Variants in NOS1AP observed in about 807,000 individuals in gnomAD.
The protein encoded by NOS1AP is nitric oxide synthase 1 adaptor protein, also known as carboxyl-terminal PDZ ligand of neuronal nitric oxide synthase protein.
Under a neutral mutation model 56.2 loss-of-function variants are expected in NOS1AP, and 21 were observed. The observed-to-expected ratio is 0.37, with a 90% CI of 0.26 to 0.54. NOS1AP has a LOEUF of 0.54. NOS1AP is among the 20% of genes least tolerant of loss of function. The probability of loss-of-function intolerance (pLI) is 0.84; values close to 1 mark genes in which losing one functional copy is unlikely to be tolerated. For synonymous variants in NOS1AP, 270 were observed against 274.6 expected, an observed-to-expected ratio of 0.98 and a Z score of 0.17; for missense variants, 522 against 657.8, an observed-to-expected ratio of 0.79 and a Z score of 2.26.
rs1657525418 is a variant in NOS1AP, at chr1:162,352,166, TCTC to T, written c.596-3018_596-3016del. Among the ~76,000 whole-genome samples, 3 of 152,048 alleles carry T rather than the reference TCTC, an allele frequency of 2.0e-5. No homozygotes were observed. The South Asian group carries it at 6.2e-4, about 32-fold the overall frequency. On this transcript the variant is annotated intron_variant, in intron 6 of 9. Coordinates refer to ENST00000361897, the MANE Select transcript of NOS1AP (RefSeq NM_014697.3). The stretch of plus-strand genomic sequence containing the variant: ...CCTCCGCCTCCTGGGTTCACGCAAT[TCTC>T]CTGTTTCAGCCTCCCAAGCAGCTGG...
At chr1:162,333,250 G>A (rs764359371) in intron 5 of NOS1AP, 125 bp downstream of exon 5, 164 of 712,468 alleles carry the variant, frequency 2.3e-4, no homozygotes, top group South Asian at 4.0e-4. Context: ...TATCTCAGTC[G>A]TCTGTCATTG....
intron 2 of NOS1AP, among the ~76,000 whole-genome samples, chr1:162,217,225 C>G (rs998069832): frequency 5.0e-5 from 7 of 140,602 alleles, no homozygotes; most frequent in Admixed American, 2.2e-4. Context: ...TTTCACTACA[C>G]CATACCTCTT....
chr1:162,304,733 G>GTAT (rs1169040879), intron 4 of NOS1AP, among the ~76,000 whole-genome samples: 1 of 150,640 alleles, frequency 6.6e-6, no homozygotes, highest in African/African-American at 2.4e-5. Flanking sequence ...TTTTTTTCAT[G>GTAT]TATTAAATTG....
chr1:162,133,051 A>G (rs1043910582), intron 1 of NOS1AP, among the ~76,000 whole-genome samples: 6 of 152,190 alleles, frequency 3.9e-5, no homozygotes, highest in Non-Finnish European at 7.3e-5. Context: ...GAATATTGCA[A>G]TATCACGTGT....
chr1:162,146,120 G>A (rs1449559605), intron 1 of NOS1AP, among the ~76,000 whole-genome samples: 1 of 152,176 alleles, frequency 6.6e-6, no homozygotes, highest in Non-Finnish European at 1.5e-5. Context: ...GGACCTTTAC[G>A]TTATGCCTAT....
chr1:162,353,943 C>T (rs1288792851), intron 6 of NOS1AP, among the ~76,000 whole-genome samples: 1 of 152,220 alleles, frequency 6.6e-6, no homozygotes, highest in African/African-American at 2.4e-5. Context: ...TCCCTGCCCC[C>T]ACTAGCTGCA....
intron 1 of NOS1AP, among the ~76,000 whole-genome samples, chr1:162,147,455 A>G (rs921179395): frequency 2.6e-5 from 4 of 152,196 alleles, no homozygotes; most frequent in African/African-American, 9.6e-5. Flanking sequence ...AAAGTCTAAC[A>G]AGTCTATGGA....
At position 162,367,272 on chromosome 1, in the gene NOS1AP, A is replaced by C. The variant is rs772644550; in HGVS notation, c.1326A>C (p.Pro442=). ...TTCCGCCCGAGGACACCCCGCCCCCAGCGCAGGGCGAGGCGCTCCTGGGCG... is the reference window on the plus strand; with the variant it reads ...TTCCGCCCGAGGACACCCCGCCCCCCGCGCAGGGCGAGGCGCTCCTGGGCG... ...RFLPPEDTPP[P]AQGEALLGGL... The change falls in exon 10 of 10, where the codon CCA becomes CCC. Residue 442 remains proline, a synonymous_variant. Coordinates refer to ENST00000361897, the MANE Select transcript of NOS1AP (RefSeq NM_014697.3). This position sits in a 1 kb window ranked among gnomAD's most constrained non-coding sequence, Gnocchi z 6.5. The C allele has an allele frequency of 1.9e-6, 3 of 1,613,674 alleles. No homozygotes were observed. The South Asian group carries it at 3.3e-5, about 18-fold the overall frequency.
chr1:162,285,515 C>T, intron 2 of NOS1AP, among the ~76,000 whole-genome samples: 1 of 152,196 alleles, frequency 6.6e-6, no homozygotes, highest in East Asian at 1.9e-4. Context: ...ATCAAACCAA[C>T]TTTAACCTTC....
In NOS1AP at chr1:162,370,321, T is replaced by G. The variant is rs1308450841; in HGVS notation, c.*2854T>G. 1 of 152,208 alleles carries G rather than the reference T, an allele frequency of 6.6e-6. No individual in the cohort carries two copies. The highest frequency in any genetic ancestry group is 1.5e-5 in the Non-Finnish European group (1 of 68,048). 9.4% of individuals were successfully genotyped at this position (152,208 alleles called of 1,614,324 possible). A position where few individuals can be genotyped will look rare whatever the true frequency, so the allele number is the denominator to read the frequency against. The stretch of plus-strand genomic sequence containing the variant: ...TTGCTTGACTGCTTCCTCCTAACCC[T>G]CTACCCACTAGCACTCTACTTCCTA... On this transcript the variant is annotated 3_prime_UTR_variant, in exon 10 of 10. Coordinates refer to ENST00000361897, the MANE Select transcript of NOS1AP (RefSeq NM_014697.3).
intron 8 of NOS1AP, among the ~76,000 whole-genome samples, chr1:162,360,008 T>G (rs1657845883): frequency 1.4e-5 from 2 of 141,012 alleles, no homozygotes; most frequent in African/African-American, 2.6e-5. Flanking sequence ...ATTTATGTCG[T>G]CCCCCCCCCA....
At chr1:162,264,966 G>A (rs1047875276) in intron 2 of NOS1AP, among the ~76,000 whole-genome samples, 4 of 151,526 alleles carry the variant, frequency 2.6e-5, no homozygotes, top group Non-Finnish European at 5.9e-5. Context: ...GGCATGCACC[G>A]CTACCGCCTG....
intron 5 of NOS1AP, among the ~76,000 whole-genome samples, chr1:162,343,141 C>G (rs1657164264): frequency 6.6e-6 from 1 of 152,318 alleles, no homozygotes; most frequent in African/African-American, 2.4e-5. Flanking sequence ...TTTGTCCTCT[C>G]TCTCTTCTCC....
Position 162,357,107 on chromosome 1 carries a change from C to A in NOS1AP, c.910C>A (p.Gln304Lys). ...QLLQQLLQQQ[Q>K]QQTQVAVAQV... ...CCTCCAGCAGCTCCTCCAGCAGCAG[C>A]AGCAGCAGACACAAGTGGCTGTGGC... The change falls in exon 8 of 10, where the codon CAG (glutamine) becomes AAG (lysine). Residue 304 changes from glutamine to lysine, a missense_variant. By Grantham distance (53) the Gln-to-Lys change is moderately conservative (BLOSUM62 1). This residue lies in a region of NOS1AP where 52 missense variants were observed against 94.5 expected (regional missense o/e 0.55). Transcript: ENST00000361897. 1 of 1,609,444 alleles carries A rather than the reference C, an allele frequency of 6.2e-7. No individual in the cohort carries two copies. The highest frequency in any genetic ancestry group is 8.5e-7 in the Non-Finnish European group (1 of 1,179,902).
intron 4 of NOS1AP, among the ~76,000 whole-genome samples, chr1:162,332,441 A>T (rs1342783916): frequency 6.6e-6 from 1 of 152,020 alleles, no homozygotes; most frequent in Non-Finnish European, 1.5e-5. Context: ...GGCTGCTGGG[A>T]TAGTGCCTGG....
chr1:162,157,690 A>T (rs2102102228), intron 2 of NOS1AP, among the ~76,000 whole-genome samples: 1 of 152,316 alleles, frequency 6.6e-6, no homozygotes, highest in Middle Eastern at 3.4e-3. Context: ...CTAGAGCACT[A>T]AAGGGACAGT....
rs139609146 is a variant in NOS1AP, at chr1:162,365,074, A to ACG, written c.940-330_940-329insCG. ...GAGCACCGTGCGTGTGTGTGTGTAT[A>ACG]TGTGCACGTGTGTGTGTACGTGTGT... is the stretch of plus-strand genomic sequence containing the variant. On this transcript the variant is annotated intron_variant, in intron 8 of 9. Coordinates refer to ENST00000361897, the MANE Select transcript of NOS1AP (RefSeq NM_014697.3). 2.0e-3 allele frequency: 2,154 copies of ACG among 1,059,144 alleles called. 3 individuals carry two copies. Among genetic ancestry groups the ACG allele is most frequent in the Non-Finnish European group, 2.3e-3 (2,058 of 875,964 alleles). The allele number at this position is 1,059,144 out of a possible 1,614,324, so 65.6% of individuals were successfully genotyped here.
intron 4 of NOS1AP, among the ~76,000 whole-genome samples, chr1:162,321,634 G>A (rs1656415532): frequency 6.6e-6 from 1 of 151,218 alleles, no homozygotes; most frequent in African/African-American, 2.4e-5. Flanking sequence ...CGAGTTCATG[G>A]GTGCAGCACA....
In NOS1AP at chr1:162,150,033, T is replaced by C. The variant is rs1027783548; in HGVS notation, c.106-4372T>C. ...TTTTTAAATGTACAATAAGTTATTGTTGACTATAGTCATCCTATTGTGGTA... is the reference window on the plus strand; with the variant it reads ...TTTTTAAATGTACAATAAGTTATTGCTGACTATAGTCATCCTATTGTGGTA... On this transcript the variant is annotated intron_variant, in intron 1 of 9. Transcript: ENST00000361897. Among the ~76,000 whole-genome samples, 3 of 152,344 alleles carry C rather than the reference T, an allele frequency of 2.0e-5. No individual in the cohort carries two copies. In the South Asian group the frequency reaches 6.2e-4, roughly 32 times the overall value.
Sources: allele counts gnomAD v4.1 joint callset (sites outside exome capture counted in the v4.1 genomes callset), GRCh38; gene constraint gnomAD v4.1.1; regional missense constraint gnomAD v4.1.1; non-coding constraint Gnocchi (gnomAD v3.1); transcripts MANE v1.5; gene names NCBI Gene and HGNC (gene_info 2026-07-23, HGNC 2026-07-21).